Variants in PGM5 observed in about 807,000 individuals in gnomAD.
The protein encoded by PGM5 is phosphoglucomutase 5, also known as phosphoglucomutase-like protein 5.
Under a neutral mutation model 59.2 loss-of-function variants are expected in PGM5, and 23 were observed. That is an observed-to-expected ratio of 0.39 (90% CI 0.28 to 0.55). The LOEUF (loss-of-function observed/expected upper bound fraction) is 0.55, where lower values mean the gene tolerates loss of function less well. Among genes scored for constraint, PGM5 ranks in the 20% least tolerant of loss-of-function variants. The pLI is 0.66. For missense variants in PGM5, 574 were observed against 748.3 expected (o/e 0.77, Z 2.72); for synonymous variants, 214 against 286.0 (o/e 0.75, Z 2.54).
At position 68,423,629 on chromosome 9, in the gene PGM5, A is replaced by ATCTCTC. The variant is rs368417025; in HGVS notation, c.1043+31176_1043+31181dup. The stretch of plus-strand genomic sequence containing the variant: ...TGGGAAATAACCCCAAGAGCACAAA[A>ATCTCTC]TCTCTCTCTCTCTCTCTCTCTCTCT... On this transcript the variant is annotated intron_variant, in intron 6 of 10. Coordinates refer to ENST00000396396, the MANE Select transcript of PGM5 (RefSeq NM_021965.4). Among the ~76,000 whole-genome samples, 81 of 129,434 alleles carry ATCTCTC rather than the reference A, an allele frequency of 6.3e-4. 1 individual carries two copies. The highest frequency in any genetic ancestry group is 1.9e-3 in the African/African-American group (66 of 34,734). 84.9% of individuals were successfully genotyped at this position (129,434 alleles called of 152,430 possible).
rs1049885037 is a variant in PGM5 at position 68,452,627 on chromosome 9, G to T, written c.1044-12466G>T. On this transcript the variant is annotated intron_variant, in intron 6 of 10. Transcript: ENST00000396396. ...TCCTCTTCCCCTACCACATCCTCTGGATCTGAACCCCAGAACAAGACTGCT... is the reference window on the plus strand; with the variant it reads ...TCCTCTTCCCCTACCACATCCTCTGTATCTGAACCCCAGAACAAGACTGCT... Among the ~76,000 whole-genome samples, 23 of 152,106 alleles carry T rather than the reference G, an allele frequency of 1.5e-4. 1 individual carries two copies. Among genetic ancestry groups the T allele is most frequent in the Non-Finnish European group, 4.4e-5 (3 of 68,014 alleles).
At chr9:68,484,607 A>AG (rs1347032249) in intron 9 of PGM5, among the ~76,000 whole-genome samples, 15 of 151,966 alleles carry the variant, frequency 9.9e-5, no homozygotes, top group African/African-American at 3.6e-4. Flanking sequence ...ACAAAAAAAA[A>AG]AACAAAAGAA....
intron 10 of PGM5, among the ~76,000 whole-genome samples, chr9:68,511,258 G>C (rs555173742): frequency 1.3e-4 from 20 of 152,300 alleles, no homozygotes; most frequent in African/African-American, 4.3e-4. Flanking sequence ...TCAGGGTCAG[G>C]TTGGAATTTG....
chr9:68,372,643 T>G (rs1821769951), intron 1 of PGM5, among the ~76,000 whole-genome samples: 1 of 152,156 alleles, frequency 6.6e-6, no homozygotes, highest in Non-Finnish European at 1.5e-5. Context: ...ATTCTTGCAT[T>G]GCTATAAAGA....
chr9:68,467,255 C>T (rs978127657), intron 7 of PGM5, among the ~76,000 whole-genome samples: 19 of 152,286 alleles, frequency 1.2e-4, no homozygotes, highest in Admixed American at 9.2e-4. Flanking sequence ...AAGGCCTATA[C>T]TAGGCCTTTA....
intron 6 of PGM5, among the ~76,000 whole-genome samples, chr9:68,420,474 A>G (rs1823109683): frequency 1.3e-5 from 2 of 152,228 alleles, no homozygotes; most frequent in East Asian, 3.8e-4. Context: ...GGTATTTAGC[A>G]TGCTGTATTT....
intron 1 of PGM5, among the ~76,000 whole-genome samples, chr9:68,362,192 CAT>C (rs1834590743): frequency 6.6e-6 from 1 of 151,150 alleles, no homozygotes; most frequent in Non-Finnish European, 1.5e-5. Context: ...TACCCTGAAA[CAT>C]AGTTCCTTCC....
chr9:68,403,318 C>A (rs1347839837), intron 6 of PGM5, among the ~76,000 whole-genome samples: 1 of 152,144 alleles, frequency 6.6e-6, no homozygotes, highest in Non-Finnish European at 1.5e-5. Context: ...AAAACAAGCT[C>A]AGGACTCCCA....
chr9:68,499,489 A>T, intron 10 of PGM5, 128 bp downstream of exon 10: 1 of 951,248 alleles, frequency 1.1e-6, no homozygotes, highest in Non-Finnish European at 1.5e-6. Context: ...CTGGAGGACA[A>T]GCTCAGGGCA....
chr9:68,466,270 GT>G (rs35091577), intron 7 of PGM5: 77,038 of 550,410 alleles, frequency 0.14, 33 homozygotes, highest in Middle Eastern at 0.19. Flanking sequence ...GATACTGTGT[GT>G]TTTTTTTTTT....
intron 6 of PGM5, among the ~76,000 whole-genome samples, chr9:68,446,932 C>T (rs1554684039): frequency 6.6e-6 from 1 of 152,100 alleles, no homozygotes; most frequent in Non-Finnish European, 1.5e-5. Context: ...GGGAGGATGC[C>T]ATTGTAATAC....
intron 6 of PGM5, among the ~76,000 whole-genome samples, chr9:68,423,206 G>C (rs1976232): frequency 6.6e-6 from 1 of 151,720 alleles, no homozygotes; most frequent in African/African-American, 2.4e-5. Context: ...TATCTTTTTC[G>C]TATAATGACT....
At chr9:68,519,990 T>A (rs538064860) in intron 10 of PGM5, among the ~76,000 whole-genome samples, 1 of 150,460 alleles carries the variant, frequency 6.6e-6, no homozygotes, top group African/African-American at 2.4e-5. Flanking sequence ...ATTGGGAGGC[T>A]GAGGTGAGAG....
intron 10 of PGM5, among the ~76,000 whole-genome samples, chr9:68,529,286 A>T (rs1397683880): frequency 1.3e-5 from 2 of 151,754 alleles, no homozygotes; most frequent in Non-Finnish European, 2.9e-5. Flanking sequence ...GTCTTCATAC[A>T]GTGCTCTCAT....
chr9:68,483,859 C>T lies in PGM5; in HGVS notation c.1296-6C>T. The T allele has an allele frequency of 1.1e-5, 18 of 1,613,884 alleles. No individual in the cohort carries two copies. Among genetic ancestry groups the T allele is most frequent in the Non-Finnish European group, 1.4e-5 (17 of 1,179,790 alleles). The stretch of plus-strand genomic sequence containing the variant: ...TAGGTTTCTGTTCCTCCTGTGTCCT[C>T]ACCAGGTTTGACTATGAGGGGTTGG... On this transcript the variant is annotated splice_region_variant and splice_polypyrimidine_tract_variant and intron_variant, in intron 8 of 10. Coordinates refer to ENST00000396396, the MANE Select transcript of PGM5 (RefSeq NM_021965.4).
At chr9:68,478,633 G>T (rs1235095911) in intron 7 of PGM5, among the ~76,000 whole-genome samples, 1 of 152,144 alleles carries the variant, frequency 6.6e-6, no homozygotes, top group Non-Finnish European at 1.5e-5. Context: ...TTCAGTTTCT[G>T]GTGGCTCCAC....
chr9:68,360,863 G>T (rs1205253159), intron 1 of PGM5, among the ~76,000 whole-genome samples: 6 of 151,864 alleles, frequency 4.0e-5, no homozygotes, highest in Admixed American at 2.0e-4. Flanking sequence ...ATAAAAAATG[G>T]TTTTTTTATA....
intron 6 of PGM5, among the ~76,000 whole-genome samples, chr9:68,401,887 ATATGTGTG>A (rs1198593236): frequency 9.1e-4 from 6 of 6,612 alleles, no homozygotes; most frequent in East Asian, 1.7e-3. Flanking sequence ...CTATATATAT[ATATGTGTG>A]TGTGTGTGTG....
rs139393716 is a variant in PGM5, at chr9:68,463,317, C to T, written c.1044-1776C>T. On this transcript the variant is annotated intron_variant, in intron 6 of 10. Coordinates refer to ENST00000396396, the MANE Select transcript of PGM5 (RefSeq NM_021965.4). ...CATTGATCCCACTCTACGGTCATCCCCTGCACTCACAGCCTTCAAATAACT... is the reference window on the plus strand; with the variant it reads ...CATTGATCCCACTCTACGGTCATCCTCTGCACTCACAGCCTTCAAATAACT... Among the ~76,000 whole-genome samples the T allele has an allele frequency of 4.3e-3, 661 of 152,226 alleles. 2 individuals are homozygous for T. Among genetic ancestry groups the T allele is most frequent in the Middle Eastern group, 0.01 (3 of 294 alleles).
Sources: allele counts gnomAD v4.1 joint callset (sites outside exome capture counted in the v4.1 genomes callset), GRCh38; gene constraint gnomAD v4.1.1; transcripts MANE v1.5; gene names NCBI Gene and HGNC (gene_info 2026-07-23, HGNC 2026-07-21).